The following PKHD1 variants were observed in gnomAD, a reference collection of about 807,000 sequenced individuals.
PKHD1 encodes the protein PKHD1 ciliary IPT domain containing fibrocystin/polyductin, also known as fibrocystin.
In PKHD1, 291 loss-of-function variants were observed where a neutral mutation model predicts 412.0. The ratio of observed to expected loss-of-function variants is 0.71; its 90% confidence interval spans 0.64 to 0.78. PKHD1 has a LOEUF of 0.78. Among genes scored for constraint, PKHD1 ranks in the 30% least tolerant of loss-of-function variants. The pLI, the probability that PKHD1 is intolerant of heterozygous loss-of-function variation, is 0.00. For missense variants in PKHD1, 4,825 were observed against 4,950.7 expected, an observed-to-expected ratio of 0.97 and a Z score of 0.76; for synonymous variants, 1,777 against 1,821.5, an observed-to-expected ratio of 0.98 and a Z score of 0.62.
chr6:52,004,567 G>A (rs1798828872), intron 35 of PKHD1, among the ~76,000 whole-genome samples: 1 of 152,160 alleles, frequency 6.6e-6, no homozygotes. Context: ...GTTCTTGAAG[G>A]TGGAGATTTT....
At chr6:51,716,401 G>A (rs1284632791) in intron 60 of PKHD1, among the ~76,000 whole-genome samples, 2 of 152,136 alleles carry the variant, frequency 1.3e-5, no homozygotes, top group African/African-American at 4.8e-5. Context: ...TTTCAAAATT[G>A]TAAATACACA....
At chr6:51,976,555 G>A (rs1179316861) in intron 35 of PKHD1, among the ~76,000 whole-genome samples, 1 of 152,146 alleles carries the variant, frequency 6.6e-6, no homozygotes, top group African/African-American at 2.4e-5. Flanking sequence ...TCCTTGAGAC[G>A]GATGCTCGTG....
chr6:51,733,674 T>C (rs1286631449), intron 60 of PKHD1, among the ~76,000 whole-genome samples: 1 of 152,176 alleles, frequency 6.6e-6, no homozygotes. Flanking sequence ...AGAATTCCTA[T>C]GCTTGAAAAA....
chr6:51,991,510 G>C (rs1253767056), intron 35 of PKHD1, among the ~76,000 whole-genome samples: 2 of 152,112 alleles, frequency 1.3e-5, no homozygotes, highest in East Asian at 3.9e-4. Context: ...AAGTAAATAA[G>C]CTGATAGCTG....
intron 60 of PKHD1, among the ~76,000 whole-genome samples, chr6:51,733,900 C>T (rs759823119): frequency 6.6e-6 from 1 of 152,172 alleles, no homozygotes; most frequent in African/African-American, 2.4e-5. Context: ...TGTGAACTCC[C>T]ACTTCCTGGG....
intron 60 of PKHD1, among the ~76,000 whole-genome samples, chr6:51,706,822 T>C (rs1780074704): frequency 1.3e-5 from 2 of 152,306 alleles, no homozygotes; most frequent in African/African-American, 2.4e-5. Context: ...TGAGGTTGCC[T>C]TTCTCTAAAG....
rs1440640687 is a variant in PKHD1, at chr6:52,037,759, A to G, written c.3098-2038T>C. ...TTAGGCAATAAATTATGCAACCTCT[A>G]AAGAGAATCTTTTGATATTTATCAA... On this transcript the variant is annotated intron_variant, in intron 27 of 66. Transcript: ENST00000371117. Among the ~76,000 whole-genome samples, 4 of 152,222 alleles carry G rather than the reference A, an allele frequency of 2.6e-5. No individual in the cohort carries two copies. In the South Asian group the frequency reaches 6.2e-4, roughly 24 times the overall value.
chr6:52,066,088 TAA>T lies in PKHD1; in HGVS notation c.779-13_779-12del, dbSNP rs5876252. The stretch of plus-strand genomic sequence containing the variant: ...ACACAGATAATATTTCTGCAAGAGT[TAA>T]AAAAAAAAAAAAGTAAGCTTCCAAA... On this transcript the variant is annotated splice_polypyrimidine_tract_variant and intron_variant, in intron 11 of 66. Transcript: ENST00000371117. The T allele has an allele frequency of 2.2e-3, 2,074 of 953,132 alleles. No homozygotes were observed. Among genetic ancestry groups the T allele is most frequent in the South Asian group, 2.6e-3 (185 of 71,582 alleles). The allele number at this position is 953,132 out of a possible 1,614,324, so 59.0% of individuals were successfully genotyped here.
rs566019242 is a variant in PKHD1, at chr6:52,075,573, G to A, written c.448+703C>T. Among the ~76,000 whole-genome samples the A allele has an allele frequency of 7.4e-4, 112 of 152,274 alleles. 1 individual carries two copies. Among genetic ancestry groups the A allele is most frequent in the Non-Finnish European group, 5.7e-4 (39 of 68,010 alleles). ...TCTCAGTTGCAATCCCTTCTTTTAT[G>A]TAAATCCCCCAGCTTTATATAATCT... On this transcript the variant is annotated intron_variant, in intron 6 of 66. Coordinates refer to ENST00000371117, the MANE Select transcript of PKHD1 (RefSeq NM_138694.4).
rs767188133 is a variant in PKHD1, at chr6:52,082,409, C to T, written c.264G>A (p.Val88=). ...DVFPVFLDLP[V]VTCRTRSVLS... ...AGGTATACCTGGTCCGGCATGTCAC[C>T]ACAGGCAAATCCAAGAAAACAGGAA... Residue 88 remains valine, a synonymous_variant, in exon 4 of 67, where the codon GTG becomes GTA. Coordinates refer to ENST00000371117, the MANE Select transcript of PKHD1 (RefSeq NM_138694.4). 12 of 1,613,998 alleles carry T rather than the reference C, an allele frequency of 7.4e-6. No individual in the cohort carries two copies. The Admixed American group carries it at 1.3e-4, about 18-fold the overall frequency.
chr6:51,627,760 C>A (rs1767445839), intron 65 of PKHD1, among the ~76,000 whole-genome samples: 1 of 152,084 alleles, frequency 6.6e-6, no homozygotes, highest in Non-Finnish European at 1.5e-5. Flanking sequence ...CCACCATACG[C>A]AAGATGAGGA....
chr6:51,733,535 C>A (rs74377877), intron 60 of PKHD1, among the ~76,000 whole-genome samples: 997 of 128,768 alleles, frequency 7.7e-3, no homozygotes, highest in Middle Eastern at 8.2e-3. Flanking sequence ...GACTCCCTCT[C>A]AAAAAAAAAA....
intron 60 of PKHD1, among the ~76,000 whole-genome samples, chr6:51,720,649 ACTC>A (rs1781793473): frequency 6.7e-6 from 1 of 149,720 alleles, no homozygotes; most frequent in African/African-American, 2.5e-5. Flanking sequence ...CACTTATAGC[ACTC>A]CTATTTTTTT....
intron 34 of PKHD1, 26 bp from the exon 35 acceptor site, chr6:52,010,485 G>A: frequency 1.3e-6 from 2 of 1,514,660 alleles, no homozygotes; most frequent in South Asian, 1.1e-5. Flanking sequence ...AGGTTAAATG[G>A]GGTGTCATCA....
intron 66 of PKHD1, among the ~76,000 whole-genome samples, chr6:51,625,220 T>A (rs1268468403): frequency 6.6e-6 from 1 of 152,128 alleles, no homozygotes; most frequent in Non-Finnish European, 1.5e-5. Flanking sequence ...GGCAAAGTGC[T>A]GGAGAGAGAG....
intron 63 of PKHD1, 68 bp downstream of exon 63, chr6:51,647,963 G>T: frequency 1.1e-6 from 1 of 944,244 alleles, no homozygotes; most frequent in South Asian, 1.3e-5. Flanking sequence ...AATTCCTAAT[G>T]GCTGCAAACA....
chr6:52,063,080 TA>T (rs1409888874), intron 13 of PKHD1, among the ~76,000 whole-genome samples: 1 of 152,210 alleles, frequency 6.6e-6, no homozygotes, highest in Non-Finnish European at 1.5e-5. Context: ...TTCAATTCTC[TA>T]AAGTCTTTTT....
intron 60 of PKHD1, among the ~76,000 whole-genome samples, chr6:51,731,477 C>T (rs1017759288): frequency 2.0e-5 from 3 of 152,126 alleles, no homozygotes; most frequent in Non-Finnish European, 2.9e-5. Context: ...TGGTTGGAGG[C>T]TTGAGTATTT....
intron 60 of PKHD1, among the ~76,000 whole-genome samples, chr6:51,729,782 T>C (rs1167385705): frequency 1.3e-5 from 2 of 152,214 alleles, no homozygotes; most frequent in African/African-American, 4.8e-5. Context: ...CAGTGGTCAT[T>C]ATTGCCTTAG....
Sources: allele counts gnomAD v4.1 joint callset (sites outside exome capture counted in the v4.1 genomes callset), GRCh38; gene constraint gnomAD v4.1.1; transcripts MANE v1.5; gene names NCBI Gene and HGNC (gene_info 2026-07-23, HGNC 2026-07-21).